FBXW10: variants seen among roughly 807,000 people sequenced by gnomAD.
FBXW10 encodes F-box/WD repeat-containing protein 10.
FBXW10 carries 68 observed loss-of-function variants against 113.1 expected under a neutral mutation model. The observed-to-expected ratio is 0.60, with a 90% CI of 0.49 to 0.74. The LOEUF is 0.74. FBXW10 is among the 30% of genes least tolerant of loss of function. FBXW10 has a pLI of 0.00. For missense variants in FBXW10, 753 were observed against 1,284.5 expected, an observed-to-expected ratio of 0.59 and a Z score of 6.32; for synonymous variants, 289 against 481.6, an observed-to-expected ratio of 0.60 and a Z score of 5.24.
intron 8 of FBXW10, 36 bp downstream of exon 8, chr17:18,764,899 T>G (rs1216217273): frequency 6.2e-7 from 1 of 1,613,826 alleles, no homozygotes; most frequent in Non-Finnish European, 8.5e-7. Context: ...CTAAGAAGTT[T>G]CCCCCGACCC....
At chr17:18,765,434 G>A (rs188212348) in intron 8 of FBXW10, among the ~76,000 whole-genome samples, 2 of 152,312 alleles carry the variant, frequency 1.3e-5, no homozygotes, top group East Asian at 1.9e-4. Flanking sequence ...TCCAAATCCC[G>A]GCTCTGCCAC....
intron 11 of FBXW10, among the ~76,000 whole-genome samples, chr17:18,772,039 G>A (rs1399009597): frequency 2.6e-5 from 4 of 152,212 alleles, no homozygotes; most frequent in East Asian, 1.9e-4. Flanking sequence ...CCCAGGAGGC[G>A]GAGGTTGCAG....
At chr17:18,764,392 G>C (rs2035445537) in intron 7 of FBXW10, among the ~76,000 whole-genome samples, 1 of 151,936 alleles carries the variant, frequency 6.6e-6, no homozygotes, top group South Asian at 2.1e-4. Flanking sequence ...AGTAGAGACA[G>C]GGTTTCACCA....
intron 1 of FBXW10, among the ~76,000 whole-genome samples, chr17:18,745,618 G>A (rs1217550914): frequency 6.6e-6 from 1 of 152,110 alleles, no homozygotes; most frequent in South Asian, 2.1e-4. Context: ...GTTTCACCAT[G>A]CTGGCCAGGC....
chr17:18,772,323 T>C, intron 11 of FBXW10, 89 bp from the exon 12 acceptor site: 1 of 1,272,646 alleles, frequency 7.9e-7, no homozygotes, highest in South Asian at 1.4e-5. Context: ...GTTCCTTTAG[T>C]CTAAAGACCA....
chr17:18,764,116 C>G (rs2035439386), intron 7 of FBXW10, among the ~76,000 whole-genome samples: 1 of 146,462 alleles, frequency 6.8e-6, no homozygotes, highest in South Asian at 2.2e-4. Flanking sequence ...TCCAAATGGC[C>G]TATGGGGGTA....
chr17:18,756,216 G>T lies in FBXW10; in HGVS notation c.1232+62G>T. 4 of 1,513,072 alleles carry T rather than the reference G, an allele frequency of 2.6e-6. No homozygotes were observed. The South Asian group carries it at 4.7e-5, about 18-fold the overall frequency. 93.7% of individuals were successfully genotyped at this position (1,513,072 alleles called of 1,614,324 possible). A position where few individuals can be genotyped will look rare whatever the true frequency, so the allele number is the denominator to read the frequency against. ...GCTTGAGTTACCCACACTGACATTT[G>T]GGATTTCCCTGACCTTTGTGTACAT... is the stretch of plus-strand genomic sequence containing the variant. On this transcript the variant is annotated intron_variant, in intron 6 of 13. Transcript: ENST00000395665.
At chr17:18,752,412 G>A (rs958833552) in intron 5 of FBXW10, among the ~76,000 whole-genome samples, 5 of 152,080 alleles carry the variant, frequency 3.3e-5, no homozygotes, top group African/African-American at 1.2e-4. Flanking sequence ...AACTACATAG[G>A]CCAAAGAAAA....
At chr17:18,746,710 T>C (rs1052880480) in intron 1 of FBXW10, among the ~76,000 whole-genome samples, 4 of 152,118 alleles carry the variant, frequency 2.6e-5, no homozygotes, top group African/African-American at 9.7e-5. Flanking sequence ...TGACTTTGCT[T>C]AGGTCACCCA....
chr17:18,757,921 G>T (rs952345172), intron 6 of FBXW10, among the ~76,000 whole-genome samples: 1 of 152,122 alleles, frequency 6.6e-6, no homozygotes, highest in Non-Finnish European at 1.5e-5. Flanking sequence ...CAAAAGAAAA[G>T]AAATACAGTG....
chr17:18,765,837 CT>C (rs1337136022), intron 8 of FBXW10, among the ~76,000 whole-genome samples: 1 of 152,080 alleles, frequency 6.6e-6, no homozygotes, highest in African/African-American at 2.4e-5. Flanking sequence ...AGTGATTCTC[CT>C]GCCTCAGCCT....
chr17:18,770,746 C>T (rs780678096), intron 11 of FBXW10, among the ~76,000 whole-genome samples: 27 of 152,106 alleles, frequency 1.8e-4, no homozygotes, highest in Non-Finnish European at 1.8e-4. Flanking sequence ...GCTCTATCAG[C>T]TATCTTTGAT....
chr17:18,767,102 C>G (rs1306091685), intron 9 of FBXW10, among the ~76,000 whole-genome samples: 1 of 152,154 alleles, frequency 6.6e-6, no homozygotes, highest in Non-Finnish European at 1.5e-5. Context: ...AGGCTGCATT[C>G]TGACTCAGCA....
At chr17:18,758,827 G>GT (rs11372212) in intron 7 of FBXW10, among the ~76,000 whole-genome samples, 125,711 of 149,272 alleles carry the variant, frequency 0.84, 53,078 homozygotes, top group Admixed American at 0.88. Context: ...GGGGAACGTG[G>GT]TTTTTATGGG....
At position 18,778,543 on chromosome 17, in the gene FBXW10, A is replaced by T; in HGVS notation, c.2404A>T (p.Lys802Ter). 6.2e-7 allele frequency: 1 copy of T among 1,613,510 alleles called. No individual in the cohort carries two copies. The highest frequency in any genetic ancestry group is 8.5e-7 in the Non-Finnish European group (1 of 1,179,594). Reference protein sequence around the residue: ...ETPGKLPSHPKKKSWKIPMSP... With the variant: ...ETPGKLPSHP ...TCCTGGAAAACTGCCCAGTCACCCAAAGAAAAAGTCTTGGAAAATCCCTAT... is the reference window on the plus strand; with the variant it reads ...TCCTGGAAAACTGCCCAGTCACCCATAGAAAAAGTCTTGGAAAATCCCTAT... The change falls in exon 14 of 14, where the codon AAG (lysine) becomes TAG (stop). Residue 802 changes from lysine (K) to a stop codon, truncating the protein, a stop_gained. Coordinates refer to ENST00000395665, the MANE Select transcript of FBXW10 (RefSeq NM_001267585.2). LOFTEE classifies it high-confidence loss of function.
chr17:18,758,100 C>T (rs1211844042), intron 6 of FBXW10, among the ~76,000 whole-genome samples: 4 of 152,130 alleles, frequency 2.6e-5, no homozygotes, highest in African/African-American at 7.2e-5. Flanking sequence ...TTAAATTTAA[C>T]GGAAATGGAT....
chr17:18,776,117 G>A lies in FBXW10; in HGVS notation c.2335+925G>A, dbSNP rs1357480088. Among the ~76,000 whole-genome samples, 8 of 151,968 alleles carry A rather than the reference G, an allele frequency of 5.3e-5. No individual in the cohort carries two copies. In the East Asian group the frequency reaches 1.2e-3, roughly 22 times the overall value. On this transcript the variant is annotated intron_variant, in intron 13 of 13. Coordinates refer to ENST00000395665, the MANE Select transcript of FBXW10 (RefSeq NM_001267585.2). ...GCGGATTGCCTGAGGTGAGGAGGTC[G>A]AGACCAGTCTGGCCAACATGGTGAA... is the stretch of plus-strand genomic sequence containing the variant.
At chr17:18,757,848 T>C (rs1265730004) in intron 6 of FBXW10, among the ~76,000 whole-genome samples, 1 of 152,254 alleles carries the variant, frequency 6.6e-6, no homozygotes. Flanking sequence ...TTTCCTGTGG[T>C]ATCTACTAGC....
intron 5 of FBXW10, among the ~76,000 whole-genome samples, chr17:18,752,412 G>T (rs958833552): frequency 6.6e-6 from 1 of 152,080 alleles, no homozygotes; most frequent in African/African-American, 2.4e-5. Context: ...AACTACATAG[G>T]CCAAAGAAAA....
Sources: gnomAD v4.1 joint callset for allele counts (sites outside exome capture counted in the v4.1 genomes callset) on GRCh38, gnomAD v4.1.1 for gene constraint, MANE v1.5 for transcripts, NCBI Gene and HGNC (gene_info 2026-07-23, HGNC 2026-07-21) for gene names.